MYT1L: variants seen among roughly 807,000 people sequenced by gnomAD.
The protein encoded by MYT1L is myelin transcription factor 1 like, also known as myelin transcription factor 1-like protein.
Under a neutral mutation model 126.7 loss-of-function variants are expected in MYT1L, and 12 were observed. That is an observed-to-expected ratio of 0.09 (90% CI 0.06 to 0.15). MYT1L has a LOEUF of 0.15. Among genes scored for constraint, MYT1L ranks in the 10% least tolerant of loss-of-function variants. The pLI, the probability that MYT1L is intolerant of heterozygous loss-of-function variation, is 1.00. For missense variants in MYT1L, 979 were observed against 1,585.2 expected, an observed-to-expected ratio of 0.62 and a Z score of 6.49; for synonymous variants, 541 against 604.2, an observed-to-expected ratio of 0.90 and a Z score of 1.53.
intron 9 of MYT1L, among the ~76,000 whole-genome samples, chr2:1,924,992 A>G (rs554774502): frequency 3.3e-5 from 5 of 152,160 alleles, no homozygotes; most frequent in Non-Finnish European, 7.3e-5. Context: ...GTGATTACAG[A>G]AGTTTCCTCA....
chr2:1,976,153 T>C (rs2060166257), intron 8 of MYT1L, among the ~76,000 whole-genome samples: 1 of 147,582 alleles, frequency 6.8e-6, no homozygotes, highest in Non-Finnish European at 1.5e-5. Context: ...TGTAATTTCA[T>C]CAGAACCAAA....
chr2:2,270,178 G>C (rs2095234250), intron 2 of MYT1L, among the ~76,000 whole-genome samples: 1 of 152,212 alleles, frequency 6.6e-6, no homozygotes, highest in Non-Finnish European at 1.5e-5. Context: ...AACCCAGGGA[G>C]GGAGCCCTCG....
rs183870263 is a variant in MYT1L at position 2,250,591 on chromosome 2, A to T, written c.-421+33813T>A. Among the ~76,000 whole-genome samples, 141 of 151,290 alleles carry T rather than the reference A, an allele frequency of 9.3e-4. 1 individual carries two copies. The highest frequency in any genetic ancestry group is 3.3e-3 in the African/African-American group (137 of 41,336). ...AAAAAAAAAAGGACAAATAAGGCCT[A>T]GTTATTTGATAGCACAACAAAGAGA... On this transcript the variant is annotated intron_variant, in intron 2 of 24. Coordinates refer to ENST00000647738, the MANE Select transcript of MYT1L (RefSeq NM_001303052.2).
intron 8 of MYT1L, among the ~76,000 whole-genome samples, chr2:1,964,249 G>A (rs1383605632): frequency 3.3e-5 from 5 of 152,194 alleles, no homozygotes; most frequent in African/African-American, 7.2e-5. Context: ...TTACACGGGC[G>A]CGGTTCCTGG....
At chr2:1,863,265 C>T (rs2044958747) in intron 18 of MYT1L, among the ~76,000 whole-genome samples, 1 of 152,176 alleles carries the variant, frequency 6.6e-6, no homozygotes, top group Non-Finnish European at 1.5e-5. Flanking sequence ...GCCTTTGGGA[C>T]TATAAGCCAA....
chr2:2,063,649 G>T (rs2070834457), intron 3 of MYT1L, among the ~76,000 whole-genome samples: 1 of 152,186 alleles, frequency 6.6e-6, no homozygotes, highest in Non-Finnish European at 1.5e-5. Context: ...TTTGAGACCA[G>T]CTTGGCCAAC....
intron 2 of MYT1L, among the ~76,000 whole-genome samples, chr2:2,279,787 C>G (rs1430233866): frequency 1.3e-5 from 2 of 152,140 alleles, no homozygotes; most frequent in African/African-American, 4.8e-5. Flanking sequence ...AATGTATACC[C>G]TCAAGCGGGC....
At chr2:1,965,483 A>C (rs542603242) in intron 8 of MYT1L, among the ~76,000 whole-genome samples, 2 of 127,152 alleles carry the variant, frequency 1.6e-5, no homozygotes, top group African/African-American at 6.1e-5. Flanking sequence ...ACCAGGCAGG[A>C]AAGAGGAGGA....
intron 2 of MYT1L, among the ~76,000 whole-genome samples, chr2:2,177,690 G>C (rs2090971249): frequency 6.6e-6 from 1 of 152,174 alleles, no homozygotes; most frequent in Non-Finnish European, 1.5e-5. Context: ...AGAGAATCCA[G>C]GGAAAACTGC....
At position 2,092,289 on chromosome 2, in the gene MYT1L, A is replaced by G. The variant is rs375929980; in HGVS notation, c.-303-38166T>C. Among the ~76,000 whole-genome samples the G allele has an allele frequency of 1.1e-4, 13 of 114,148 alleles. No individual in the cohort carries two copies. In the East Asian group the frequency reaches 2.0e-3, roughly 17 times the overall value. 74.9% of individuals were successfully genotyped at this position (114,148 alleles called of 152,430 possible). ...TTTCAATATGCTTGTCTTAGGGAAT[A>G]GGGAGGTCAGTTTAGAAGGGGGAGA... On this transcript the variant is annotated intron_variant, in intron 3 of 24. Transcript: ENST00000647738.
chr2:2,003,289 C>T (rs964245622), intron 4 of MYT1L, among the ~76,000 whole-genome samples: 3 of 152,168 alleles, frequency 2.0e-5, no homozygotes, highest in Non-Finnish European at 4.4e-5. Context: ...TGACGTTTCA[C>T]ATAAATTGTT....
At chr2:2,005,705 GGCGTTCTTTCCTGCAT>G (rs1006178242) in intron 4 of MYT1L, among the ~76,000 whole-genome samples, 3 of 106,634 alleles carry the variant, frequency 2.8e-5, no homozygotes, top group Admixed American at 9.2e-5. Flanking sequence ...CTCTCCTGCA[GGCGTTCTTTCCTGCAT>G]GCGTTCTTTC....
At chr2:2,304,722 A>G (rs1026141401) in intron 1 of MYT1L, among the ~76,000 whole-genome samples, 1 of 152,238 alleles carries the variant, frequency 6.6e-6, no homozygotes, top group Non-Finnish European at 1.5e-5. Context: ...AAAACTTTAC[A>G]AAAACAGCAA....
At chr2:2,180,896 C>G (rs1430046373) in intron 2 of MYT1L, among the ~76,000 whole-genome samples, 1 of 135,076 alleles carries the variant, frequency 7.4e-6, no homozygotes, top group Non-Finnish European at 1.6e-5. Flanking sequence ...GTGTGTACCT[C>G]TGTGCTTGTG....
chr2:1,827,769 C>T (rs2039558117), intron 21 of MYT1L: 2 of 152,188 alleles, frequency 1.3e-5, no homozygotes, highest in South Asian at 2.1e-4. Context: ...GAGGACCCCT[C>T]CCCTCCACAC....
intron 8 of MYT1L, among the ~76,000 whole-genome samples, chr2:1,956,076 C>T (rs2058319490): frequency 6.6e-6 from 1 of 152,096 alleles, no homozygotes; most frequent in South Asian, 2.1e-4. Flanking sequence ...TACCTATCAT[C>T]TATCTATCCA....
intron 3 of MYT1L, among the ~76,000 whole-genome samples, chr2:2,120,471 TTTTA>T (rs890576676): frequency 1.6e-4 from 24 of 152,226 alleles, no homozygotes; most frequent in African/African-American, 5.5e-4. Context: ...TTAAGGCCTT[TTTTA>T]TTTATTTTTA....
At chr2:2,093,326 G>A (rs1337535416) in intron 3 of MYT1L, among the ~76,000 whole-genome samples, 1 of 114,968 alleles carries the variant, frequency 8.7e-6, no homozygotes, top group Non-Finnish European at 1.8e-5. Context: ...GGGCGGGGGG[G>A]CTTTTTTTAC....
At chr2:2,126,089 G>A (rs2081652819) in intron 3 of MYT1L, among the ~76,000 whole-genome samples, 2 of 152,264 alleles carry the variant, frequency 1.3e-5, no homozygotes, top group South Asian at 2.1e-4. Flanking sequence ...GAGTAGGGGC[G>A]GGATAAGAGC....
Sources: gnomAD v4.1 joint callset for allele counts (sites outside exome capture counted in the v4.1 genomes callset) on GRCh38, gnomAD v4.1.1 for gene constraint, MANE v1.5 for transcripts, NCBI Gene and HGNC (gene_info 2026-07-23, HGNC 2026-07-21) for gene names.